KIF12: variants seen among roughly 807,000 people sequenced by gnomAD.
KIF12 encodes the protein kinesin-like protein KIF12.
Under a neutral mutation model 87.9 loss-of-function variants are expected in KIF12, and 80 were observed. The observed-to-expected ratio is 0.91, with a 90% CI of 0.76 to 1.10. The LOEUF (loss-of-function observed/expected upper bound fraction) is 1.10. Ranked by LOEUF, KIF12 falls within the 50% of genes least tolerant of loss-of-function variation. KIF12 has a pLI of 0.00. For synonymous variants in KIF12, 353 were observed against 348.5 expected (o/e 1.01, Z -0.14); for missense variants, 819 against 865.3 (o/e 0.95, Z 0.67).
In KIF12 at chr9:114,092,597, G is replaced by A. The variant is rs754416654; in HGVS notation, c.1642C>T (p.Pro548Ser). Reference protein sequence around the residue: ...ASGGRPPSARPPPWAPPCSPG... With the variant: ...ASGGRPPSARSPPWAPPCSPG... ...CTGCATGGGGGTGCCCAGGGTGGGG[G>A]CCGGGCAGATGGGGGCCTGCCACCT... The change falls in exon 17 of 19, where the codon CCC becomes TCC. Residue 548 changes from proline to serine, a missense_variant. Coordinates refer to ENST00000640217, the MANE Select transcript of KIF12 (RefSeq NM_001388308.1). The A allele has an allele frequency of 5.0e-6, 8 of 1,604,106 alleles. No homozygotes were observed. In the African/African-American group the frequency reaches 8.0e-5, roughly 16 times the overall value.
In KIF12 at chr9:114,097,603, T is replaced by C. The variant is rs781009137; in HGVS notation, c.510+4A>G. ...CTGTCTTTCTATTCCTCTCATTCCC[T>C]TACCTGCTCATTGTAGATCTCCAGA... On this transcript the variant is annotated splice_donor_region_variant and intron_variant, in intron 6 of 18. Coordinates refer to ENST00000640217, the MANE Select transcript of KIF12 (RefSeq NM_001388308.1). 1 of 1,614,026 alleles carries C rather than the reference T, an allele frequency of 6.2e-7. No individual in the cohort carries two copies. The highest frequency in any genetic ancestry group is 1.7e-5 in the Admixed American group (1 of 60,018).
rs550854537 is a variant in KIF12 at position 114,097,389 on chromosome 9, G to T, written c.558C>A (p.Arg186=). The change falls in exon 7 of 19, where the codon CGC becomes CGA. Residue 186 remains arginine, a synonymous_variant. Coordinates refer to ENST00000640217, the MANE Select transcript of KIF12 (RefSeq NM_001388308.1). ...SLGSPRPLPV[R]WNKTRGFYVE... ...CATAGAAGCCCCGAGTCTTGTTCCA[G>T]CGAACAGGGAGGGGCCGGGGAGACC... 9.3e-6 allele frequency: 15 copies of T among 1,607,538 alleles called. No individual in the cohort carries two copies. The highest frequency in any genetic ancestry group is 9.3e-6 in the Non-Finnish European group (11 of 1,178,344).
At chr9:114,098,062 G>T in intron 5 of KIF12, 53 bp downstream of exon 5, 1 of 1,503,162 alleles carries the variant, frequency 6.7e-7, no homozygotes. Flanking sequence ...GCTCCCCAGG[G>T]CTTCCAGCCC....
intron 7 of KIF12, among the ~76,000 whole-genome samples, 183 bp from the exon 8 acceptor site, chr9:114,096,661 A>G (rs1436512755): frequency 6.6e-6 from 1 of 152,156 alleles, no homozygotes; most frequent in African/African-American, 2.4e-5. Context: ...AGATGGGTGG[A>G]TGGAGGATAG....
chr9:114,095,616 C>T (rs889876259), intron 9 of KIF12, among the ~76,000 whole-genome samples: 9 of 152,176 alleles, frequency 5.9e-5, no homozygotes, highest in African/African-American at 1.4e-4. Context: ...AAAGGAGTTT[C>T]GCGGGCATCT....
At chr9:114,096,642 C>T (rs559641577) in intron 7 of KIF12, among the ~76,000 whole-genome samples, 164 bp from the exon 8 acceptor site, 19 of 152,284 alleles carry the variant, frequency 1.2e-4, no homozygotes, top group African/African-American at 4.3e-4. Context: ...TTGGGCCCTG[C>T]TCTAGCAGAG....
At chr9:114,096,281 G>A in intron 8 of KIF12, 74 bp from the exon 9 acceptor site, 6 of 1,605,614 alleles carry the variant, frequency 3.7e-6, no homozygotes, top group Non-Finnish European at 5.1e-6. Context: ...GGGACCAAGA[G>A]TTTCCATTAT....
intron 3 of KIF12, 50 bp from the exon 4 acceptor site, chr9:114,098,479 A>T (rs1847335544): frequency 7.3e-7 from 1 of 1,370,220 alleles, no homozygotes; most frequent in Non-Finnish European, 9.5e-7. Context: ...AGGGCGGGGC[A>T]CCCTGGAGGG....
intron 14 of KIF12, 60 bp downstream of exon 14, chr9:114,093,826 T>A: frequency 1.4e-6 from 2 of 1,424,948 alleles, no homozygotes; most frequent in Admixed American, 3.4e-5. Flanking sequence ...CATTAAGCCA[T>A]CCCTTTTCCC....
intron 5 of KIF12, 179 bp downstream of exon 5, chr9:114,097,936 A>T: frequency 3.2e-6 from 3 of 930,078 alleles, no homozygotes; most frequent in Non-Finnish European, 4.8e-6. Flanking sequence ...TTGAAGCCCA[A>T]ATGCTCCAAA....
intron 7 of KIF12, 23 bp from the exon 8 acceptor site, chr9:114,096,501 G>A: frequency 6.4e-7 from 1 of 1,571,876 alleles, no homozygotes; most frequent in Non-Finnish European, 8.7e-7. Flanking sequence ...AACATCAGGA[G>A]CTGGACCTGG....
Position 114,091,978 on chromosome 9 carries a change from C to T in KIF12, c.1839G>A (p.Leu613=). Residue 613 remains leucine (L), a synonymous_variant, in exon 19 of 19, where the codon CTG becomes CTA. Transcript: ENST00000640217. Reference sequence around the variant, plus strand: ...CTCTGAGGGCCTCCAGTCTCTGGGCCAGGTTTGGAACCCCGGCCCCACCTA... The same window carrying T: ...CTCTGAGGGCCTCCAGTCTCTGGGCTAGGTTTGGAACCCCGGCCCCACCTA... The part of the protein sequence containing the change: ...GLRGGAGVPN[L]AQRLEALRDQ... 1 of 1,612,224 alleles carries T rather than the reference C, an allele frequency of 6.2e-7. No individual in the cohort carries two copies. The highest frequency in any genetic ancestry group is 8.5e-7 in the Non-Finnish European group (1 of 1,179,638).
chr9:114,098,269 C>G, intron 4 of KIF12, 33 bp downstream of exon 4: 11 of 1,504,978 alleles, frequency 7.3e-6, no homozygotes, highest in Non-Finnish European at 8.0e-6. Flanking sequence ...CCCCGCCAGG[C>G]CCGGCGCGGA....
At chr9:114,096,932 G>A (rs1275838248) in intron 7 of KIF12, among the ~76,000 whole-genome samples, 1 of 152,230 alleles carries the variant, frequency 6.6e-6, no homozygotes, top group Non-Finnish European at 1.5e-5. Flanking sequence ...TCAGGGCCCT[G>A]GAAGGGTGGA....
At position 114,092,324 on chromosome 9, in the gene KIF12, C is replaced by A; in HGVS notation, c.1816+9G>T. The stretch of plus-strand genomic sequence containing the variant: ...ACATTAGGGGCCCCTCCCTCTCTCC[C>A]TTCTTCACCTCTGAGCCCTGGTGAT... On this transcript the variant is annotated intron_variant, in intron 18 of 18. Transcript: ENST00000640217. The A allele has an allele frequency of 6.4e-7, 1 of 1,553,776 alleles. No individual in the cohort carries two copies.
intron 3 of KIF12, 104 bp from the exon 4 acceptor site, chr9:114,098,533 G>A: frequency 1.1e-6 from 1 of 879,960 alleles, no homozygotes; most frequent in Non-Finnish European, 1.6e-6. Flanking sequence ...GAGGAGGGCG[G>A]GGCACTCTGG....
At chr9:114,092,245 C>G (rs1253232801) in intron 18 of KIF12, 88 bp downstream of exon 18, 13 of 1,485,228 alleles carry the variant, frequency 8.8e-6, no homozygotes, top group Non-Finnish European at 1.2e-5. Context: ...CACCCCATTT[C>G]AGAGATAAGA....
At chr9:114,098,521 G>GGGGCACTCT in intron 3 of KIF12, 92 bp from the exon 4 acceptor site, 1 of 763,168 alleles carries the variant, frequency 1.3e-6, no homozygotes, top group Non-Finnish European at 1.8e-6. Context: ...CGGGGCACGC[G>GGGGCACTCT]GGAGGAGGGC....
At chr9:114,098,090 G>T in intron 5 of KIF12, 25 bp downstream of exon 5, 2 of 1,541,470 alleles carry the variant, frequency 1.3e-6, no homozygotes, top group Non-Finnish European at 1.7e-6. Flanking sequence ...CCCGCCCCGC[G>T]GGGGCGCCGC....
Sources: allele counts gnomAD v4.1 joint callset (sites outside exome capture counted in the v4.1 genomes callset), GRCh38; gene constraint gnomAD v4.1.1; transcripts MANE v1.5; gene names NCBI Gene and HGNC (gene_info 2026-07-23, HGNC 2026-07-21).